ALPK1: variants seen among roughly 807,000 people sequenced by gnomAD.
The protein encoded by ALPK1 is alpha kinase 1.
ALPK1 carries 110 observed loss-of-function variants against 120.6 expected under a neutral mutation model. The ratio of observed to expected loss-of-function variants is 0.91; its 90% CI spans 0.78 to 1.07. ALPK1 has a LOEUF of 1.07. Ranked by LOEUF, ALPK1 falls within the 50% of genes least tolerant of loss-of-function variation. ALPK1 has a pLI of 0.00. For missense variants in ALPK1, 1,498 were observed against 1,483.9 expected, an observed-to-expected ratio of 1.01 and a Z score of -0.16; for synonymous variants, 582 against 560.3, an observed-to-expected ratio of 1.04 and a Z score of -0.55.
intron 8 of ALPK1, among the ~76,000 whole-genome samples, chr4:112,427,248 G>A (rs1022760562): frequency 2.6e-5 from 4 of 152,106 alleles, no homozygotes; most frequent in African/African-American, 9.7e-5. Flanking sequence ...CTCTGTGGCA[G>A]CCAATTTAAA....
chr4:112,405,268 T>A (rs1257285316), intron 4 of ALPK1, among the ~76,000 whole-genome samples: 1 of 152,176 alleles, frequency 6.6e-6, no homozygotes, highest in Non-Finnish European at 1.5e-5. Context: ...TCCTTGTAGC[T>A]CACTGTGAGG....
chr4:112,309,953 A>G (rs1169118379), intron 1 of ALPK1, among the ~76,000 whole-genome samples: 2 of 152,016 alleles, frequency 1.3e-5, no homozygotes, highest in Non-Finnish European at 1.5e-5. Flanking sequence ...TCTCTACTCA[A>G]TAACTTATTG....
rs4834259 is a variant in ALPK1 at position 112,323,823 on chromosome 4, G to T, written c.-101+7971G>T. Among the ~76,000 whole-genome samples the T allele has an allele frequency of 9.7e-4, 147 of 151,972 alleles. 1 individual carries two copies. Among genetic ancestry groups the T allele is most frequent in the Admixed American group, 6.7e-3 (103 of 15,270 alleles). On this transcript the variant is annotated intron_variant, in intron 2 of 15. Transcript: ENST00000650871. The stretch of plus-strand genomic sequence containing the variant: ...TGTTATTTCATGGATTTTGGCAGAC[G>T]GCATGAAACTCCTGAGACAGAGACA...
intron 2 of ALPK1, among the ~76,000 whole-genome samples, chr4:112,333,335 T>C (rs1729468578): frequency 6.6e-6 from 1 of 152,222 alleles, no homozygotes; most frequent in Non-Finnish European, 1.5e-5. Flanking sequence ...TGCTTTTTAG[T>C]GATGTGTGCT....
At chr4:112,359,258 G>A in intron 2 of ALPK1, 1 of 531,708 alleles carries the variant, frequency 1.9e-6, no homozygotes, top group South Asian at 1.9e-5. Flanking sequence ...AGCAGGGCCA[G>A]CATGCCATGA....
chr4:112,313,304 A>C (rs1300171509), intron 1 of ALPK1, among the ~76,000 whole-genome samples: 1 of 152,262 alleles, frequency 6.6e-6, no homozygotes, highest in Non-Finnish European at 1.5e-5. Context: ...ACCAGCCAAA[A>C]AGACTAAGGA....
chr4:112,441,035 T>A lies in ALPK1; in HGVS notation c.3657T>A (p.Asn1219Lys), dbSNP rs1735019137. The A allele has an allele frequency of 1.2e-6, 2 of 1,614,050 alleles. No individual in the cohort carries two copies. Among genetic ancestry groups the A allele is most frequent in the Admixed American group, 3.3e-5 (2 of 60,006 alleles). ...FGKRGIFYFF[N>K]NQHVECNEIC... ...AGAGAGGAATTTTTTACTTCTTTAA[T>A]AACCAGCATGTGGAATGTAATGAAA... is the stretch of plus-strand genomic sequence containing the variant. The change falls in exon 15 of 16, where the codon AAT becomes AAA. Residue 1219 changes from asparagine to lysine, a missense_variant. Transcript: ENST00000650871.
intron 2 of ALPK1, among the ~76,000 whole-genome samples, chr4:112,324,134 T>C (rs1055349297): frequency 3.3e-5 from 5 of 152,162 alleles, no homozygotes; most frequent in East Asian, 1.9e-4. Flanking sequence ...GAGACCATCC[T>C]GGCTAATACA....
intron 12 of ALPK1, among the ~76,000 whole-genome samples, chr4:112,437,501 T>A (rs1181889357): frequency 6.6e-6 from 1 of 152,218 alleles, no homozygotes; most frequent in East Asian, 1.9e-4. Context: ...GTTCACTCTC[T>A]TGTGCACACC....
chr4:112,373,414 G>A (rs1731505010), intron 2 of ALPK1, among the ~76,000 whole-genome samples: 3 of 152,198 alleles, frequency 2.0e-5, no homozygotes, highest in Admixed American at 1.3e-4. Flanking sequence ...ATAAAACGTT[G>A]TGACTTATAG....
chr4:112,348,630 T>C (rs1242076438), intron 2 of ALPK1, among the ~76,000 whole-genome samples: 4 of 152,226 alleles, frequency 2.6e-5, no homozygotes, highest in Admixed American at 2.6e-4. Context: ...CAGGCGGTTC[T>C]CCGTTACCAT....
At chr4:112,410,759 A>G (rs1462192533) in intron 4 of ALPK1, among the ~76,000 whole-genome samples, 2 of 152,206 alleles carry the variant, frequency 1.3e-5, no homozygotes, top group Non-Finnish European at 1.5e-5. Context: ...TAAAAATTTG[A>G]TTATTTATTT....
At chr4:112,344,452 A>C (rs1730018547) in intron 2 of ALPK1, among the ~76,000 whole-genome samples, 1 of 152,236 alleles carries the variant, frequency 6.6e-6, no homozygotes, top group East Asian at 1.9e-4. Context: ...AATTTGGATC[A>C]GGCTAGGTAG....
intron 2 of ALPK1, chr4:112,356,745 T>A (rs1322768487): frequency 2.5e-6 from 2 of 814,052 alleles, no homozygotes; most frequent in Non-Finnish European, 4.3e-6. Flanking sequence ...AAGCACGGAG[T>A]ATGCCCTTAT....
intron 4 of ALPK1, chr4:112,383,315 A>G (rs1732007548): frequency 2.6e-5 from 4 of 151,640 alleles, no homozygotes. Context: ...TCTCAAATAA[A>G]AAATATATTT....
chr4:112,323,818 C>A (rs1049796526), intron 2 of ALPK1, among the ~76,000 whole-genome samples: 1 of 152,152 alleles, frequency 6.6e-6, no homozygotes, highest in Non-Finnish European at 1.5e-5. Flanking sequence ...TGGATTTTGG[C>A]AGACGGCATG....
chr4:112,340,111 G>C (rs1364700447), intron 2 of ALPK1, among the ~76,000 whole-genome samples: 2 of 152,232 alleles, frequency 1.3e-5, no homozygotes, highest in Non-Finnish European at 2.9e-5. Flanking sequence ...AGACACACAA[G>C]AGAACTCTGT....
Position 112,432,214 on chromosome 4 carries a change from T to C in ALPK1, c.2667T>C (p.Asn889=). 1 of 1,614,166 alleles carries C rather than the reference T, an allele frequency of 6.2e-7. No individual in the cohort carries two copies. Among genetic ancestry groups the C allele is most frequent in the Non-Finnish European group, 8.5e-7 (1 of 1,180,014 alleles). Residue 889 remains asparagine (N), a synonymous_variant, in exon 11 of 16, where the codon AAT becomes AAC. Transcript: ENST00000650871. ...QPPGQRAETP[N]SSVSGNILFP... ...CTGGTCAGAGGGCGGAGACCCCCAA[T>C]TCCTCTGTAAGCGGTAACATCCTCT... is the stretch of plus-strand genomic sequence containing the variant.
intron 5 of ALPK1, among the ~76,000 whole-genome samples, 190 bp downstream of exon 5, chr4:112,412,215 A>G (rs1458592689): frequency 6.6e-6 from 1 of 150,654 alleles, no homozygotes; most frequent in Non-Finnish European, 1.5e-5. Flanking sequence ...AGGCCCTGGC[A>G]TAAAGGGTTT....
Sources: gnomAD v4.1 joint callset for allele counts (sites outside exome capture counted in the v4.1 genomes callset) on GRCh38, gnomAD v4.1.1 for gene constraint, MANE v1.5 for transcripts, NCBI Gene and HGNC (gene_info 2026-07-23, HGNC 2026-07-21) for gene names.